Variants in RBFOX1 observed in about 807,000 individuals in gnomAD.
The protein encoded by RBFOX1 is RNA binding protein fox-1 homolog 1.
Under a neutral mutation model 57.7 loss-of-function variants are expected in RBFOX1, and 8 were observed. The ratio of observed to expected loss-of-function variants is 0.14; its 90% CI spans 0.08 to 0.25. The LOEUF is 0.25. Among genes scored for constraint, RBFOX1 ranks in the 10% least tolerant of loss-of-function variants. The pLI, the probability that RBFOX1 is intolerant of heterozygous loss-of-function variation, is 1.00. For synonymous variants in RBFOX1, 326 were observed against 222.4 expected (o/e 1.47, Z -4.15); for missense variants, 611 against 548.5 (o/e 1.11, Z -1.14).
chr16:7,658,303 ATT>A (rs1266580511), intron 12 of RBFOX1, among the ~76,000 whole-genome samples: 1 of 152,118 alleles, frequency 6.6e-6, no homozygotes, highest in African/African-American at 2.4e-5. Flanking sequence ...ACAGACCTCC[ATT>A]TCCTTCAAGC....
intron 3 of RBFOX1, among the ~76,000 whole-genome samples, chr16:6,658,851 A>C (rs1201491950): frequency 6.6e-6 from 1 of 151,918 alleles, no homozygotes; most frequent in Non-Finnish European, 1.5e-5. Context: ...TGTCCTAGGG[A>C]GATCCTAAGG....
chr16:6,340,209 AG>A (rs2084352755), intron 2 of RBFOX1, among the ~76,000 whole-genome samples: 1 of 152,242 alleles, frequency 6.6e-6, no homozygotes, highest in East Asian at 1.9e-4. Flanking sequence ...ATGGGTGCTA[AG>A]GGGTCACGAA....
chr16:6,889,630 T>C (rs774374126), intron 3 of RBFOX1, among the ~76,000 whole-genome samples: 11 of 152,176 alleles, frequency 7.2e-5, no homozygotes. Context: ...TGCCAATCCA[T>C]ATCCGTAAGC....
At position 7,597,314 on chromosome 16, in the gene RBFOX1, A is replaced by G. The variant is rs1420737278; in HGVS notation, c.562-57A>G. On this transcript the variant is annotated intron_variant, in intron 8 of 15. Transcript: ENST00000550418. The stretch of plus-strand genomic sequence containing the variant: ...ATCACGGTCATAATGCATGCAACTA[A>G]TTGAATTGGGAGCTGGCCCTAGAAT... 5.3e-6 allele frequency: 7 copies of G among 1,323,532 alleles called. No individual in the cohort carries two copies. The African/African-American group carries it at 8.9e-5, about 17-fold the overall frequency. 82.0% of individuals were successfully genotyped at this position (1,323,532 alleles called of 1,614,324 possible). A position where few individuals can be genotyped will look rare whatever the true frequency, so the allele number is the denominator to read the frequency against.
chr16:5,674,778 T>C (rs2050115743), intron 3 of RBFOX1, among the ~76,000 whole-genome samples: 1 of 152,172 alleles, frequency 6.6e-6, no homozygotes, highest in Non-Finnish European at 1.5e-5. Context: ...TTTCCTTCCC[T>C]ATGGTGAAAA....
intron 4 of RBFOX1, among the ~76,000 whole-genome samples, chr16:7,104,355 C>G (rs1405690785): frequency 6.6e-6 from 1 of 152,142 alleles, no homozygotes; most frequent in Non-Finnish European, 1.5e-5. Context: ...GTAGCTTGAA[C>G]ATCTACTTAA....
chr16:7,145,164 C>G (rs892053922), intron 4 of RBFOX1, among the ~76,000 whole-genome samples: 3 of 152,136 alleles, frequency 2.0e-5, no homozygotes, highest in Admixed American at 2.0e-4. Context: ...CCATCCCAAT[C>G]ATTTCTTTAC....
intron 3 of RBFOX1, among the ~76,000 whole-genome samples, chr16:5,634,332 G>A (rs1366668383): frequency 1.3e-5 from 2 of 152,146 alleles, no homozygotes; most frequent in East Asian, 3.9e-4. Context: ...TGGAAAACAA[G>A]CAAATTAAAG....
intron 3 of RBFOX1, among the ~76,000 whole-genome samples, chr16:6,791,675 C>G (rs572147112): frequency 5.4e-4 from 82 of 152,244 alleles, no homozygotes; most frequent in Admixed American, 2.0e-3. Flanking sequence ...AGGAGAATTG[C>G]TTGAACCTGG....
At chr16:5,389,820 C>T (rs2066355686) in intron 1 of RBFOX1, among the ~76,000 whole-genome samples, 1 of 152,012 alleles carries the variant, frequency 6.6e-6, no homozygotes, top group Non-Finnish European at 1.5e-5. Context: ...GCCTCAGCTT[C>T]CTGAGTAGCT....
At chr16:7,689,155 A>T (rs1340852397) in intron 14 of RBFOX1, among the ~76,000 whole-genome samples, 1 of 152,182 alleles carries the variant, frequency 6.6e-6, no homozygotes, top group Non-Finnish European at 1.5e-5. Flanking sequence ...TGCAGTCATA[A>T]GTGCCCCATC....
At chr16:6,410,168 C>CTGTGTGTGTG (rs3066618) in intron 2 of RBFOX1, among the ~76,000 whole-genome samples, 4,234 of 147,006 alleles carry the variant, frequency 0.029, 82 homozygotes, top group Middle Eastern at 0.042. Context: ...CATCATAAGG[C>CTGTGTGTGTG]TGTGTGTGTG....
At chr16:6,893,656 G>A (rs2066059131) in intron 3 of RBFOX1, among the ~76,000 whole-genome samples, 1 of 152,128 alleles carries the variant, frequency 6.6e-6, no homozygotes, top group African/African-American at 2.4e-5. Context: ...TAGAGCATTG[G>A]CCAGAGAAGC....
At chr16:5,680,747 A>G (rs775313494) in intron 3 of RBFOX1, among the ~76,000 whole-genome samples, 42 of 152,328 alleles carry the variant, frequency 2.8e-4, no homozygotes, top group Middle Eastern at 6.8e-3. Context: ...CTCCGGGTGA[A>G]GCTGCCTATG....
intron 4 of RBFOX1, among the ~76,000 whole-genome samples, chr16:7,382,854 G>A (rs762806152): frequency 6.6e-5 from 10 of 152,138 alleles, no homozygotes; most frequent in African/African-American, 9.7e-5. Flanking sequence ...ACTTATAATC[G>A]TGTAATGCAA....
At chr16:5,379,933 G>A (rs189765893) in intron 1 of RBFOX1, among the ~76,000 whole-genome samples, 9 of 152,288 alleles carry the variant, frequency 5.9e-5, no homozygotes, top group Admixed American at 2.6e-4. Flanking sequence ...GGAGAGAAGC[G>A]CTTGGGGCGT....
chr16:5,370,462 C>CCT (rs71404517), intron 1 of RBFOX1, among the ~76,000 whole-genome samples: 1 of 141,196 alleles, frequency 7.1e-6, no homozygotes, highest in African/African-American at 2.6e-5. Context: ...GCCTCCTCCT[C>CCT]TTTTTTTTTT....
intron 3 of RBFOX1, among the ~76,000 whole-genome samples, chr16:6,902,824 G>T (rs944079034): frequency 3.3e-5 from 5 of 152,126 alleles, no homozygotes; most frequent in African/African-American, 9.7e-5. Flanking sequence ...ATCCATGATT[G>T]TACACTGTTT....
At chr16:7,574,096 T>G (rs79258768) in intron 5 of RBFOX1, among the ~76,000 whole-genome samples, 1,644 of 152,262 alleles carry the variant, frequency 0.011, 34 homozygotes, top group African/African-American at 0.038. Context: ...TCAAGTTGAA[T>G]GAGGCACACT....
Sources: gnomAD v4.1 joint callset for allele counts (sites outside exome capture counted in the v4.1 genomes callset) on GRCh38, gnomAD v4.1.1 for gene constraint, MANE v1.5 for transcripts, NCBI Gene and HGNC (gene_info 2026-07-23, HGNC 2026-07-21) for gene names.